The following ANKRD11 variants were observed in gnomAD, a reference collection of about 807,000 sequenced individuals.
ANKRD11 encodes the protein ankyrin repeat domain 11.
In ANKRD11, 17 loss-of-function variants were observed where a neutral mutation model predicts 195.7. The observed-to-expected ratio is 0.09, with a 90% CI of 0.06 to 0.13. The LOEUF (loss-of-function observed/expected upper bound fraction) is 0.13. Ranked by LOEUF, ANKRD11 falls within the 10% of genes least tolerant of loss-of-function variation. ANKRD11 has a pLI of 1.00. For missense variants in ANKRD11, 3,735 were observed against 3,566.1 expected, an observed-to-expected ratio of 1.05 and a Z score of -1.21; for synonymous variants, 1,953 against 1,528.1, an observed-to-expected ratio of 1.28 and a Z score of -6.49.
chr16:89,281,591 C>G lies in ANKRD11; in HGVS notation c.4951G>C (p.Asp1651His). The G allele has an allele frequency of 6.2e-7, 1 of 1,614,170 alleles. No individual in the cohort carries two copies. The highest frequency in any genetic ancestry group is 2.2e-5 in the East Asian group (1 of 44,878). The change falls in exon 9 of 13, where the codon GAC becomes CAC. Residue 1651 changes from aspartate to histidine, a missense_variant. Transcript: ENST00000301030. The surrounding 1 kb of genome is among the most constrained non-coding windows in gnomAD (Gnocchi z 5.5). ...KPPGLDPPFKDKKLKESTPIP... is the reference protein window; with the variant it reads ...KPPGLDPPFKHKKLKESTPIP... ...GGAGTCGACTCTTTGAGCTTTTTGT[C>G]TTTAAATGGAGGGTCCAGCCCCGGC... is the stretch of plus-strand genomic sequence containing the variant.
intron 1 of ANKRD11, chr16:89,431,292 C>A (rs1273203893): frequency 6.6e-6 from 1 of 152,636 alleles, no homozygotes; most frequent in East Asian, 1.9e-4. Context: ...ACCGACAAAT[C>A]CCGTGTCTGG....
intron 1 of ANKRD11, among the ~76,000 whole-genome samples, chr16:89,487,496 C>G (rs2057659216): frequency 6.6e-6 from 1 of 152,192 alleles, no homozygotes; most frequent in Non-Finnish European, 1.5e-5. Flanking sequence ...CAAAAAGAGG[C>G]CGGGCGCGGT....
chr16:89,425,598 G>A (rs1443102285), intron 1 of ANKRD11, among the ~76,000 whole-genome samples: 3 of 152,144 alleles, frequency 2.0e-5, no homozygotes, highest in Admixed American at 6.5e-5. Context: ...GACCTCGGTC[G>A]GTCTCCTTCG....
Position 89,316,972 on chromosome 16 carries a change from G to A in ANKRD11, c.48C>T (p.Pro16=). The A allele has an allele frequency of 6.2e-7, 1 of 1,613,906 alleles. No individual in the cohort carries two copies. Among genetic ancestry groups the A allele is most frequent in the Non-Finnish European group, 8.5e-7 (1 of 1,179,944 alleles). The part of the protein sequence containing the change: ...CPKAPQQEEL[P]LSSDMVEKQT... ...GCTTCTCCACCATGTCGCTGCTGAG[G>A]GGAAGCTCTTCCTGCTGTGGTGCTT... is the stretch of plus-strand genomic sequence containing the variant. Residue 16 remains proline (P), a synonymous_variant, in exon 3 of 13, where the codon CCC becomes CCT. Coordinates refer to ENST00000301030, the MANE Select transcript of ANKRD11 (RefSeq NM_013275.6).
intron 4 of ANKRD11, 161 bp downstream of exon 4, chr16:89,305,045 G>A (rs2036097472): frequency 2.1e-5 from 23 of 1,107,758 alleles, no homozygotes; most frequent in Non-Finnish European, 2.7e-5. Context: ...GGCATGTGGG[G>A]GCCTGTGCTC....
chr16:89,389,055 A>C (rs2152120859), intron 2 of ANKRD11, among the ~76,000 whole-genome samples: 1 of 152,320 alleles, frequency 6.6e-6, no homozygotes, highest in East Asian at 1.9e-4. Flanking sequence ...TTGAGCAAAA[A>C]ATAAATAGGA....
In ANKRD11 at chr16:89,283,280, C is replaced by T; in HGVS notation, c.3262G>A (p.Glu1088Lys). ...GAGATGATCCCAGGGAAAGCCTTCT[C>T]CTTCTTCTCTTTCCCTTGGTCGAGA... Reference protein sequence around the residue: ...ASLDQGKEKKEKAFPGIISED... With the variant: ...ASLDQGKEKKKKAFPGIISED... Residue 1088 changes from glutamate to lysine, a missense_variant, in exon 9 of 13, where the codon GAG becomes AAG. Glu to Lys is a moderately conservative substitution (Grantham distance 56). Coordinates refer to ENST00000301030, the MANE Select transcript of ANKRD11 (RefSeq NM_013275.6). This position sits in a 1 kb window ranked among gnomAD's most constrained non-coding sequence, Gnocchi z 4.3. 6.2e-7 allele frequency: 1 copy of T among 1,614,150 alleles called. No individual in the cohort carries two copies. The highest frequency in any genetic ancestry group is 8.5e-7 in the Non-Finnish European group (1 of 1,180,032).
At chr16:89,464,243 G>GA (rs1488619686) in intron 1 of ANKRD11, among the ~76,000 whole-genome samples, 5 of 137,594 alleles carry the variant, frequency 3.6e-5, no homozygotes, top group East Asian at 4.3e-4. Context: ...CATCTCAAAA[G>GA]AAAAAAAAAG....
intron 2 of ANKRD11, among the ~76,000 whole-genome samples, chr16:89,345,994 C>T (rs188789459): frequency 1.3e-3 from 197 of 152,168 alleles, no homozygotes; most frequent in Middle Eastern, 6.8e-3. Flanking sequence ...GTAATCCCAG[C>T]ACTTTGGGAG....
Position 89,280,358 on chromosome 16 carries a change from G to A in ANKRD11, c.6184C>T (p.Leu2062=), listed in dbSNP as rs1331016437. Reference sequence around the variant, plus strand: ...TTGCAGTTGCTGAAGAAGGACTCCAGCCCGGAGGGAGGGGCGTAGGGAGCC... The same window carrying A: ...TTGCAGTTGCTGAAGAAGGACTCCAACCCGGAGGGAGGGGCGTAGGGAGCC... ...EAAPYAPPSG[L]ESFFSNCKSL... Residue 2062 remains leucine (L), a synonymous_variant, in exon 9 of 13, where the codon CTG becomes TTG. Transcript: ENST00000301030. 5 of 1,571,212 alleles carry A rather than the reference G, an allele frequency of 3.2e-6. No homozygotes were observed. Among genetic ancestry groups the A allele is most frequent in the Non-Finnish European group, 4.3e-6 (5 of 1,159,018 alleles).
At chr16:89,444,282 G>A (rs2043677336) in intron 1 of ANKRD11, among the ~76,000 whole-genome samples, 1 of 152,020 alleles carries the variant, frequency 6.6e-6, no homozygotes, top group South Asian at 2.1e-4. Context: ...TGAGATAAAT[G>A]CTCCTGCCCA....
intron 1 of ANKRD11, among the ~76,000 whole-genome samples, chr16:89,482,668 G>C (rs1024475273): frequency 2.0e-5 from 3 of 152,218 alleles, no homozygotes; most frequent in Admixed American, 2.0e-4. Context: ...CTCCATGCCT[G>C]TAATTCCAGC....
intron 2 of ANKRD11, among the ~76,000 whole-genome samples, chr16:89,340,421 T>C (rs1040564095): frequency 1.3e-5 from 2 of 152,206 alleles, no homozygotes; most frequent in Non-Finnish European, 2.9e-5. Flanking sequence ...ATTACAGGCA[T>C]GCGCCACCAT....
At chr16:89,295,218 AGGCTCTGAG>A (rs1413914764) in intron 4 of ANKRD11, among the ~76,000 whole-genome samples, 1 of 152,212 alleles carries the variant, frequency 6.6e-6, no homozygotes, top group Non-Finnish European at 1.5e-5. Flanking sequence ...CACGGCCTGC[AGGCTCTGAG>A]GGCTTTGTGG....
intron 7 of ANKRD11, chr16:89,286,925 A>G (rs954021227): frequency 1.6e-6 from 2 of 1,289,650 alleles, no homozygotes; most frequent in Non-Finnish European, 2.0e-6. Context: ...AACGTTTACT[A>G]TAGACTCTTG....
chr16:89,407,985 G>A (rs747486), intron 2 of ANKRD11, among the ~76,000 whole-genome samples: 5,919 of 151,938 alleles, frequency 0.039, 174 homozygotes, highest in East Asian at 0.13. Flanking sequence ...CATCTATAGC[G>A]AAGTGTGGAA....
intron 1 of ANKRD11, among the ~76,000 whole-genome samples, chr16:89,450,371 T>C (rs112389140): frequency 4.4e-4 from 67 of 152,334 alleles, no homozygotes; most frequent in African/African-American, 1.5e-3. Context: ...CAACGAAGTA[T>C]ACCTGGCTGG....
chr16:89,303,208 GA>G (rs1165283840), intron 4 of ANKRD11, among the ~76,000 whole-genome samples: 1 of 152,218 alleles, frequency 6.6e-6, no homozygotes, highest in Non-Finnish European at 1.5e-5. Flanking sequence ...AGACATCACA[GA>G]AACACCTCAA....
rs2034391990 is a variant in ANKRD11, at chr16:89,283,020, C to T, written c.3522G>A (p.Glu1174=). 2 of 1,613,748 alleles carry T rather than the reference C, an allele frequency of 1.2e-6. No individual in the cohort carries two copies. Among genetic ancestry groups the T allele is most frequent in the Non-Finnish European group, 1.7e-6 (2 of 1,180,022 alleles). ...CTCTGGGCTCCTTGTCCTTCTGCCT[C>T]TCAGGGTGCTGCTTGTCAGAAGACT... ...HRKSSDKQHP[E]RQKDKEPRDR... Residue 1174 remains glutamate (E), a synonymous_variant, in exon 9 of 13, where the codon GAG becomes GAA. Coordinates refer to ENST00000301030, the MANE Select transcript of ANKRD11 (RefSeq NM_013275.6). This position sits in a 1 kb window ranked among gnomAD's most constrained non-coding sequence, Gnocchi z 4.3.
Sources: gnomAD v4.1 joint callset for allele counts (sites outside exome capture counted in the v4.1 genomes callset) on GRCh38, gnomAD v4.1.1 for gene constraint, Gnocchi (gnomAD v3.1) non-coding constraint, MANE v1.5 for transcripts, NCBI Gene and HGNC (gene_info 2026-07-23, HGNC 2026-07-21) for gene names.